Variants in EFHC1 observed in about 807,000 individuals in gnomAD.
The protein encoded by EFHC1 is EF-hand domain-containing protein 1.
A neutral mutation model predicts 69.9 loss-of-function variants in EFHC1; 53 were observed. The ratio of observed to expected loss-of-function variants is 0.76; its 90% confidence interval spans 0.61 to 0.95. The LOEUF (loss-of-function observed/expected upper bound fraction) is 0.95, where lower values mean the gene tolerates loss of function less well. Ranked by LOEUF, EFHC1 falls within the 40% of genes least tolerant of loss-of-function variation. EFHC1 has a pLI of 0.00. For synonymous variants in EFHC1, 256 were observed against 278.4 expected, an observed-to-expected ratio of 0.92 and a Z score of 0.80; for missense variants, 739 against 798.7, an observed-to-expected ratio of 0.93 and a Z score of 0.90.
chr6:52,479,670 C>G lies in EFHC1; in HGVS notation c.1523C>G (p.Thr508Arg), dbSNP rs200328198. 159 of 1,614,216 alleles carry G rather than the reference C, an allele frequency of 9.8e-5. 1 individual carries two copies. In the East Asian group the frequency reaches 3.5e-3, roughly 36 times the overall value. Residue 508 changes from threonine to arginine, a missense_variant, in exon 9 of 11, where the codon ACA becomes AGA. Physicochemically the swap from Thr to Arg is moderately conservative, Grantham distance 71 (BLOSUM62 -1). Coordinates refer to ENST00000371068, the MANE Select transcript of EFHC1 (RefSeq NM_018100.4). ...GGTCACCGGTTCATCATCCTTGATACAGACGAGTATGTTTTGAAATACATG... is the reference window on the plus strand; with the variant it reads ...GGTCACCGGTTCATCATCCTTGATAGAGACGAGTATGTTTTGAAATACATG... Reference protein sequence around the residue: ...VFGHRFIILDTDEYVLKYMES... With the variant: ...VFGHRFIILDRDEYVLKYMES...
Position 52,493,095 on chromosome 6 carries a change from CT to C in EFHC1, c.*755del, listed in dbSNP as rs1562467305. The C allele has an allele frequency of 4.4e-6, 2 of 453,974 alleles. No individual in the cohort carries two copies. Among genetic ancestry groups the C allele is most frequent in the South Asian group, 3.1e-5 (2 of 64,476 alleles). 28.1% of individuals were successfully genotyped at this position (453,974 alleles called of 1,614,324 possible). ...CTTTCCCCAGGTAAGAGAATTCCTC[CT>C]GCCTGACTGGCTTCAAATTGGAACA... On this transcript the variant is annotated 3_prime_UTR_variant, in exon 11 of 11. Transcript: ENST00000371068.
At chr6:52,459,583 A>T (rs1461045946) in intron 5 of EFHC1, among the ~76,000 whole-genome samples, 3 of 152,390 alleles carry the variant, frequency 2.0e-5, no homozygotes, top group East Asian at 3.9e-4. Context: ...GATGTGAAGC[A>T]GCTGAAAATT....
In EFHC1 at chr6:52,461,228, C is replaced by T. The variant is rs980349728; in HGVS notation, c.917-3667C>T. On this transcript the variant is annotated intron_variant, in intron 5 of 10. Transcript: ENST00000371068. Reference sequence around the variant, plus strand: ...TGATCTTCTCCCTCCTCCCACCCTTCACCCTCCAATAGACCCCAGTGTGTA... The same window carrying T: ...TGATCTTCTCCCTCCTCCCACCCTTTACCCTCCAATAGACCCCAGTGTGTA... Among the ~76,000 whole-genome samples the T allele has an allele frequency of 5.3e-5, 8 of 152,274 alleles. No individual in the cohort carries two copies. In the South Asian group the frequency reaches 1.5e-3, roughly 28 times the overall value.
chr6:52,478,472 C>G (rs1198627746), intron 7 of EFHC1, among the ~76,000 whole-genome samples: 6 of 152,128 alleles, frequency 3.9e-5, no homozygotes, highest in Non-Finnish European at 8.8e-5. Flanking sequence ...CTCAGAATCA[C>G]TTTCAATTCT....
intron 6 of EFHC1, chr6:52,469,117 C>A: frequency 1.7e-6 from 1 of 573,840 alleles, no homozygotes; most frequent in Non-Finnish European, 3.0e-6. Flanking sequence ...TACTTTAGAG[C>A]ATCATCAGTT....
chr6:52,439,011 T>C (rs942250136), intron 3 of EFHC1, among the ~76,000 whole-genome samples: 1 of 152,212 alleles, frequency 6.6e-6, no homozygotes, highest in African/African-American at 2.4e-5. Context: ...GTAGCTCATA[T>C]ATTTTTGGTA....
intron 3 of EFHC1, among the ~76,000 whole-genome samples, chr6:52,442,765 T>G (rs1328385151): frequency 6.6e-6 from 1 of 152,232 alleles, no homozygotes; most frequent in Non-Finnish European, 1.5e-5. Flanking sequence ...TATGTGTGCA[T>G]GTGACTTTAT....
intron 9 of EFHC1, chr6:52,484,456 A>T (rs1022555117): frequency 6.6e-6 from 1 of 152,172 alleles, no homozygotes; most frequent in Non-Finnish European, 1.5e-5. Flanking sequence ...GAGAAGAGTG[A>T]TATTGCTTTA....
intron 3 of EFHC1, among the ~76,000 whole-genome samples, chr6:52,441,610 A>G (rs1157051450): frequency 6.6e-6 from 1 of 152,056 alleles, no homozygotes; most frequent in Non-Finnish European, 1.5e-5. Flanking sequence ...ATTGAATTTT[A>G]AAGTATTTTT....
At chr6:52,449,952 A>G (rs1384495291) in intron 3 of EFHC1, among the ~76,000 whole-genome samples, 3 of 151,876 alleles carry the variant, frequency 2.0e-5, no homozygotes, top group Non-Finnish European at 2.9e-5. Flanking sequence ...AGTGCTATAA[A>G]TTTCCGTCTT....
chr6:52,420,528 G>A (rs1019680312), intron 1 of EFHC1, 55 bp downstream of exon 1: 131 of 1,608,724 alleles, frequency 8.1e-5, no homozygotes, highest in Non-Finnish European at 1.1e-4. Context: ...CAGCCCAGGA[G>A]GTTTCCCCGC....
intron 5 of EFHC1, among the ~76,000 whole-genome samples, chr6:52,461,982 A>C (rs1360117042): frequency 6.6e-6 from 1 of 152,142 alleles, no homozygotes; most frequent in Non-Finnish European, 1.5e-5. Context: ...AGACTGGAAA[A>C]ATATAGCATA....
chr6:52,432,774 A>G (rs1207370524), intron 2 of EFHC1, among the ~76,000 whole-genome samples: 2 of 151,978 alleles, frequency 1.3e-5, no homozygotes, highest in Non-Finnish European at 2.9e-5. Context: ...TATTCCCCCA[A>G]ATATGTTTTC....
At position 52,429,591 on chromosome 6, in the gene EFHC1, T is replaced by C. The variant is rs575965565; in HGVS notation, c.285+5424T>C. On this transcript the variant is annotated intron_variant, in intron 2 of 10. Coordinates refer to ENST00000371068, the MANE Select transcript of EFHC1 (RefSeq NM_018100.4). ...ACCAGTACCATGCTGTTTTGGTAAC[T>C]ATGGTCTTATAGTATAGTTTGAAAT... Among the ~76,000 whole-genome samples, 10 of 152,340 alleles carry C rather than the reference T, an allele frequency of 6.6e-5. No homozygotes were observed. In the East Asian group the frequency reaches 1.9e-3, roughly 29 times the overall value.
chr6:52,464,711 C>T (rs930248205), intron 5 of EFHC1, among the ~76,000 whole-genome samples, 184 bp from the exon 6 acceptor site: 1 of 152,140 alleles, frequency 6.6e-6, no homozygotes, highest in Non-Finnish European at 1.5e-5. Context: ...ATGTACGTGT[C>T]GTATCAACAG....
chr6:52,449,415 T>C (rs631603), intron 3 of EFHC1, among the ~76,000 whole-genome samples: 10,814 of 151,928 alleles, frequency 0.071, 778 homozygotes, highest in African/African-American at 0.18. Context: ...AGCTCTTCTT[T>C]GTATATCTGA....
chr6:52,492,529 G>T lies in EFHC1; in HGVS notation c.*188G>T. ...GATCTAAGATTGGTGCCTTATTTAG[G>T]GTGATAGGGGTATAGCAATGTCTAA... On this transcript the variant is annotated 3_prime_UTR_variant, in exon 11 of 11. Transcript: ENST00000371068. 1 of 701,636 alleles carries T rather than the reference G, an allele frequency of 1.4e-6. No homozygotes were observed. The highest frequency in any genetic ancestry group is 1.5e-5 in the South Asian group (1 of 66,820). The allele number at this position is 701,636 out of a possible 1,614,324, so 43.5% of individuals were successfully genotyped here.
rs955817052 is a variant in EFHC1, at chr6:52,434,401, G to C, written c.286-3903G>C. Among the ~76,000 whole-genome samples the C allele has an allele frequency of 3.9e-5, 6 of 152,100 alleles. No individual in the cohort carries two copies. The East Asian group carries it at 1.2e-3, about 29-fold the overall frequency. On this transcript the variant is annotated intron_variant, in intron 2 of 10. Coordinates refer to ENST00000371068, the MANE Select transcript of EFHC1 (RefSeq NM_018100.4). ...CGTATTTCACTCGCCTCTCTGAATT[G>C]ACCCAGCTCCAGGTAAGGTCAGAAT... is the stretch of plus-strand genomic sequence containing the variant.
In EFHC1 at chr6:52,492,610, TTTTAAAAAAATA is replaced by T. The variant is rs1297016364; in HGVS notation, c.*270_*281del. 2 of 568,038 alleles carry T rather than the reference TTTTAAAAAAATA, an allele frequency of 3.5e-6. No individual in the cohort carries two copies. The highest frequency in any genetic ancestry group is 6.6e-6 in the Non-Finnish European group (2 of 302,720). The allele number at this position is 568,038 out of a possible 1,614,324, so 35.2% of individuals were successfully genotyped here. On this transcript the variant is annotated 3_prime_UTR_variant, in exon 11 of 11. Coordinates refer to ENST00000371068, the MANE Select transcript of EFHC1 (RefSeq NM_018100.4). The stretch of plus-strand genomic sequence containing the variant: ...GGGCCCAAATATTTCCTTTCTTTCT[TTTTAAAAAAATA>T]AATTTTTTTAGAGATGGGATCTCAC...
Sources: allele counts gnomAD v4.1 joint callset (sites outside exome capture counted in the v4.1 genomes callset), GRCh38; gene constraint gnomAD v4.1.1; transcripts MANE v1.5; gene names NCBI Gene and HGNC (gene_info 2026-07-23, HGNC 2026-07-21).